Variants in GUCA1B observed in about 807,000 individuals in gnomAD.
The protein encoded by GUCA1B is guanylate cyclase activator 1B, also known as guanylyl cyclase-activating protein 2.
A neutral mutation model predicts 24.2 loss-of-function variants in GUCA1B; 22 were observed. The observed-to-expected ratio is 0.91, with a 90% CI of 0.65 to 1.30. The LOEUF (loss-of-function observed/expected upper bound fraction) is 1.30, where lower values mean the gene tolerates loss of function less well. Among genes scored for constraint, GUCA1B ranks in the 50% most tolerant of loss-of-function variants. GUCA1B has a pLI of 0.00. For synonymous variants in GUCA1B, 100 were observed against 97.9 expected (o/e 1.02, Z -0.13); for missense variants, 221 against 258.8 (o/e 0.85, Z 1.00).
intron 2 of GUCA1B, 69 bp from the exon 3 acceptor site, chr6:42,185,866 A>T: frequency 1.1e-6 from 1 of 907,114 alleles, no homozygotes; most frequent in South Asian, 1.3e-5. Flanking sequence ...AGTGACCCAC[A>T]TCCCCCAGCA....
At position 42,184,722 on chromosome 6, in the gene GUCA1B, G is replaced by T; in HGVS notation, c.*93C>A. ...GGGGGTGCCAGGAAGTCAACACCAG[G>T]GGAAGAGTGGGCATGAGCAGGCTGA... On this transcript the variant is annotated 3_prime_UTR_variant, in exon 4 of 4. Coordinates refer to ENST00000230361, the MANE Select transcript of GUCA1B (RefSeq NM_002098.6). 7.9e-7 allele frequency: 1 copy of T among 1,273,264 alleles called. No individual in the cohort carries two copies. 78.9% of individuals were successfully genotyped at this position (1,273,264 alleles called of 1,614,324 possible).
chr6:42,187,145 A>G (rs9471802), intron 2 of GUCA1B, among the ~76,000 whole-genome samples: 49,311 of 151,952 alleles, frequency 0.32, 10,668 homozygotes, highest in African/African-American at 0.62. Context: ...TTGCTCTGTC[A>G]CCAGGCTGGA....
chr6:42,192,876 T>C (rs1055430147), intron 1 of GUCA1B, among the ~76,000 whole-genome samples: 2 of 151,882 alleles, frequency 1.3e-5, no homozygotes, highest in Non-Finnish European at 2.9e-5. Context: ...CGAGACTCTG[T>C]CTCAAAAACA....
chr6:42,185,639 T>G (rs1398364987), intron 3 of GUCA1B, 41 bp downstream of exon 3: 1 of 1,197,856 alleles, frequency 8.3e-7, no homozygotes, highest in Middle Eastern at 1.9e-4. Context: ...GTGGCGATGA[T>G]GCAGAGTGGA....
chr6:42,190,835 A>T (rs975162204), intron 1 of GUCA1B, among the ~76,000 whole-genome samples: 1 of 152,098 alleles, frequency 6.6e-6, no homozygotes, highest in African/African-American at 2.4e-5. Flanking sequence ...CCACTCACAA[A>T]TCCCCACTCT....
intron 3 of GUCA1B, among the ~76,000 whole-genome samples, chr6:42,185,295 CTGAA>C (rs1258536853): frequency 6.6e-6 from 1 of 152,116 alleles, no homozygotes; most frequent in Non-Finnish European, 1.5e-5. Context: ...CCCAAGCAGC[CTGAA>C]TGGAGGTCTA....
intron 2 of GUCA1B, among the ~76,000 whole-genome samples, chr6:42,186,278 C>T (rs775890936): frequency 1.6e-4 from 24 of 152,140 alleles, no homozygotes; most frequent in Admixed American, 6.5e-5. Context: ...GTTTCCTCTC[C>T]CAATGAGACT....
At chr6:42,187,044 TTG>T (rs1319520474) in intron 2 of GUCA1B, among the ~76,000 whole-genome samples, 2 of 152,180 alleles carry the variant, frequency 1.3e-5, no homozygotes, top group East Asian at 1.9e-4. Context: ...TCTCATGCAT[TTG>T]TGTTTTCTAT....
rs1020209826 is a variant in GUCA1B at position 42,191,440 on chromosome 6, G to T, written c.208-2709C>A. ...GGATTTGCTTTAGAAATCTCAGACC[G>T]ATTGTTCCGAAATGACACTCCTTGA... On this transcript the variant is annotated intron_variant, in intron 1 of 3. Coordinates refer to ENST00000230361, the MANE Select transcript of GUCA1B (RefSeq NM_002098.6). Among the ~76,000 whole-genome samples the T allele has an allele frequency of 2.0e-5, 3 of 152,128 alleles. No homozygotes were observed. The East Asian group carries it at 5.8e-4, about 29-fold the overall frequency.
chr6:42,184,917 A>G lies in GUCA1B; in HGVS notation c.501T>C (p.Val167=), dbSNP rs1239840656. The G allele has an allele frequency of 6.2e-7, 1 of 1,614,140 alleles. No homozygotes were observed. Among genetic ancestry groups the G allele is most frequent in the Admixed American group, 1.7e-5 (1 of 60,020 alleles). The change falls in exon 4 of 4, where the codon GTT becomes GTC. Residue 167 remains valine, a synonymous_variant. Transcript: ENST00000230361. ...GDGQLSLNEF[V]EGARRDKWVM... ...CCCACTTGTCCCGACGGGCACCTTC[A>G]ACAAACTCGTTCAGAGACAGCTGGC...
intron 2 of GUCA1B, among the ~76,000 whole-genome samples, chr6:42,186,767 T>C (rs1768200308): frequency 6.6e-6 from 1 of 152,160 alleles, no homozygotes; most frequent in Non-Finnish European, 1.5e-5. Flanking sequence ...CTCATCGACG[T>C]GTCTTGGGAG....
rs1283005344 is a variant in GUCA1B, at chr6:42,183,605, TGCTGCCAAGACATAACCAAGGTTAG to T, written c.*1185_*1209del. Among the ~76,000 whole-genome samples, 10 of 152,242 alleles carry T rather than the reference TGCTGCCAAGACATAACCAAGGTTAG, an allele frequency of 6.6e-5. No homozygotes were observed. The highest frequency in any genetic ancestry group is 1.3e-4 in the Non-Finnish European group (9 of 68,036). On this transcript the variant is annotated 3_prime_UTR_variant, in exon 4 of 4. Transcript: ENST00000230361. ...TTCGCCTAGTCCGACCTGCTCACTG[TGCTGCCAAGACATAACCAAGGTTAG>T]GGAGGAGAAGTGGCTGTCTTGGGTC...
At chr6:42,190,526 T>C (rs1768287992) in intron 1 of GUCA1B, among the ~76,000 whole-genome samples, 1 of 152,122 alleles carries the variant, frequency 6.6e-6, no homozygotes, top group South Asian at 2.1e-4. Context: ...TGGTTGTCAG[T>C]TCTTTAAAAG....
chr6:42,192,039 AAAAAAAAAAAAAG>A (rs746662407), intron 1 of GUCA1B, among the ~76,000 whole-genome samples: 1,225 of 16,018 alleles, frequency 0.076, 10 homozygotes, highest in South Asian at 0.099. Flanking sequence ...ATGATCATAC[AAAAAAAAAAAAAG>A]AAAAAAAAAA....
intron 2 of GUCA1B, 59 bp from the exon 3 acceptor site, chr6:42,185,856 A>G: frequency 1.0e-6 from 1 of 997,440 alleles, no homozygotes; most frequent in South Asian, 1.3e-5. Context: ...CCTTCACCCC[A>G]GTGACCCACA....
chr6:42,192,831 G>A lies in GUCA1B; in HGVS notation c.207+1783C>T, dbSNP rs577776922. Among the ~76,000 whole-genome samples the A allele has an allele frequency of 6.6e-5, 10 of 152,140 alleles. No homozygotes were observed. In the East Asian group the frequency reaches 1.2e-3, roughly 18 times the overall value. ...CCTTGAGCCTGGGAAATCAGAGGCCGCAAAGAGCTGAAATCATGCCACTGG... is the reference window on the plus strand; with the variant it reads ...CCTTGAGCCTGGGAAATCAGAGGCCACAAAGAGCTGAAATCATGCCACTGG... On this transcript the variant is annotated intron_variant, in intron 1 of 3. Coordinates refer to ENST00000230361, the MANE Select transcript of GUCA1B (RefSeq NM_002098.6).
chr6:42,184,875 C>T lies in GUCA1B; in HGVS notation c.543G>A (p.Gln181=). The T allele has an allele frequency of 6.2e-7, 1 of 1,614,140 alleles. No individual in the cohort carries two copies. The highest frequency in any genetic ancestry group is 8.5e-7 in the Non-Finnish European group (1 of 1,179,936). Residue 181 remains glutamine, a synonymous_variant, in exon 4 of 4, where the codon CAG becomes CAA. Transcript: ENST00000230361. ...GCCAGCTGCTGGGATTCATGTCCAT[C>T]TGCAGCATCTTCATCACCCACTTGT... ...RRDKWVMKML[Q]MDMNPSSWLA...
Position 42,184,372 on chromosome 6 carries a change from T to G in GUCA1B, c.*443A>C. 3.7e-6 allele frequency: 1 copy of G among 272,810 alleles called. No individual in the cohort carries two copies. Among genetic ancestry groups the G allele is most frequent in the Non-Finnish European group, 7.3e-6 (1 of 136,596 alleles). The allele number at this position is 272,810 out of a possible 1,614,324, so 16.9% of individuals were successfully genotyped here. On this transcript the variant is annotated 3_prime_UTR_variant, in exon 4 of 4. Coordinates refer to ENST00000230361, the MANE Select transcript of GUCA1B (RefSeq NM_002098.6). ...TCCCAAAGTGCTGGGATTACAGGCG[T>G]GAGCCACCGTGCCCGGCAACTCCTG...
At chr6:42,192,473 AG>A (rs1768327970) in intron 1 of GUCA1B, among the ~76,000 whole-genome samples, 2 of 151,214 alleles carry the variant, frequency 1.3e-5, no homozygotes, top group South Asian at 4.2e-4. Context: ...GCACTCTGGG[AG>A]GCCGGGGTGG....
Sources: gnomAD v4.1 joint callset for allele counts (sites outside exome capture counted in the v4.1 genomes callset) on GRCh38, gnomAD v4.1.1 for gene constraint, MANE v1.5 for transcripts, NCBI Gene and HGNC (gene_info 2026-07-23, HGNC 2026-07-21) for gene names.